Variants in CPAMD8 observed in about 807,000 individuals in gnomAD.
The protein encoded by CPAMD8 is C3 and PZP like alpha-2-macroglobulin domain containing 8.
A neutral mutation model predicts 224.7 loss-of-function variants in CPAMD8; 146 were observed. The observed-to-expected ratio is 0.65, with a 90% confidence interval of 0.57 to 0.75. The LOEUF is 0.75. Among genes scored for constraint, CPAMD8 ranks in the 30% least tolerant of loss-of-function variants. The pLI is 0.00. For synonymous variants in CPAMD8, 966 were observed against 1,044.6 expected (o/e 0.92, Z 1.45); for missense variants, 2,301 against 2,537.5 (o/e 0.91, Z 2.00).
At chr19:16,981,371 T>A (rs1405093125) in intron 13 of CPAMD8, among the ~76,000 whole-genome samples, 1 of 151,028 alleles carries the variant, frequency 6.6e-6, no homozygotes, top group African/African-American at 2.5e-5. Flanking sequence ...CAAAAAAAAA[T>A]AAAAATAAAA....
chr19:16,893,744 C>T (rs988653135), intron 41 of CPAMD8: 10 of 180,366 alleles, frequency 5.5e-5, no homozygotes, highest in Middle Eastern at 2.4e-3. Flanking sequence ...GAGGAAGCAC[C>T]GGGGTCACCC....
chr19:16,980,818 G>C (rs1407442067), intron 13 of CPAMD8, 132 bp from the exon 14 acceptor site: 2 of 594,080 alleles, frequency 3.4e-6, no homozygotes, highest in African/African-American at 3.9e-5. Context: ...ATCCAGTCCT[G>C]GCCCCTAGCT....
chr19:16,898,150 T>C lies in CPAMD8; in HGVS notation c.4849-156A>G, dbSNP rs1263251384. The C allele has an allele frequency of 1.7e-5, 10 of 598,538 alleles. No homozygotes were observed. Among genetic ancestry groups the C allele is most frequent in the Middle Eastern group, 4.4e-4 (1 of 2,284 alleles). 37.1% of individuals were successfully genotyped at this position (598,538 alleles called of 1,614,324 possible). A position where few individuals can be genotyped will look rare whatever the true frequency, so the allele number is the denominator to read the frequency against. ...CTTTTTTTCTTTTACTTTTCTTTTT[T>C]TTTTTTTTTCCTGAGACAGAGTCTC... is the stretch of plus-strand genomic sequence containing the variant. On this transcript the variant is annotated intron_variant, in intron 37 of 41. Transcript: ENST00000443236. The surrounding 1 kb of genome is among the most constrained non-coding windows in gnomAD (Gnocchi z 4.2).
chr19:16,940,068 G>A (rs1317802995), intron 22 of CPAMD8, among the ~76,000 whole-genome samples: 1 of 151,782 alleles, frequency 6.6e-6, no homozygotes, highest in Non-Finnish European at 1.5e-5. Flanking sequence ...ACCACCACCA[G>A]GCCCAGCTAA....
Position 16,993,508 on chromosome 19 carries a change from T to A in CPAMD8, c.1174A>T (p.Asn392Tyr), listed in dbSNP as rs2056027143. 6.2e-7 allele frequency: 1 copy of A among 1,613,450 alleles called. No individual in the cohort carries two copies. The highest frequency in any genetic ancestry group is 2.2e-5 in the East Asian group (1 of 44,846). The change falls in exon 12 of 42, where the codon AAC becomes TAC. Residue 392 changes from asparagine (N) to tyrosine (Y), a missense_variant. Asn to Tyr is a moderately radical substitution (Grantham distance 143). Around this residue, in one of 4 missense-constraint regions of CPAMD8, gnomAD observed 301 missense variants for 406.6 expected, o/e 0.74. Coordinates refer to ENST00000443236, the MANE Select transcript of CPAMD8 (RefSeq NM_015692.5). ...QIKAELTPKD[N>Y]IYTSEVVSQR... Reference sequence around the variant, plus strand: ...GACACAACTTCACTGGTGTAGATGTTATCCTTTGGTGTCAGCTCTGCCTTA... The same window carrying A: ...GACACAACTTCACTGGTGTAGATGTAATCCTTTGGTGTCAGCTCTGCCTTA...
intron 12 of CPAMD8, 42 bp downstream of exon 12, chr19:16,993,374 T>C: frequency 6.3e-7 from 1 of 1,579,202 alleles, no homozygotes; most frequent in Non-Finnish European, 8.6e-7. Context: ...CCCAAGTCCA[T>C]ACCTGCTGGC....
intron 18 of CPAMD8, among the ~76,000 whole-genome samples, chr19:16,958,804 CT>C (rs200136563): frequency 5.5e-4 from 78 of 143,052 alleles, no homozygotes; most frequent in Non-Finnish European, 4.6e-4. Flanking sequence ...CTTTTTTTTT[CT>C]TTTTTTTTTT....
At chr19:17,001,342 A>AC (rs1039028250) in intron 9 of CPAMD8, among the ~76,000 whole-genome samples, 2 of 148,346 alleles carry the variant, frequency 1.3e-5, no homozygotes, top group African/African-American at 5.0e-5. Context: ...AAAAAAAAAA[A>AC]AACAAGGATC....
chr19:16,975,272 G>C lies in CPAMD8; in HGVS notation c.1909-14C>G. On this transcript the variant is annotated splice_polypyrimidine_tract_variant and intron_variant, in intron 16 of 41. Coordinates refer to ENST00000443236, the MANE Select transcript of CPAMD8 (RefSeq NM_015692.5). ...TTCCTGGAAAACCTGCAGGCAAAGG[G>C]GGACAGAGACTTGTCAGCTGAAGTT... 6.3e-7 allele frequency: 1 copy of C among 1,593,606 alleles called. No homozygotes were observed. Among genetic ancestry groups the C allele is most frequent in the Non-Finnish European group, 8.6e-7 (1 of 1,168,604 alleles).
rs372453862 is a variant in CPAMD8, at chr19:16,893,179, C to T, written c.5587G>A (p.Val1863Ile). The change falls in exon 42 of 42, where the codon GTC (valine) becomes ATC (isoleucine). Residue 1863 changes from valine (V) to isoleucine (I), a missense_variant. By Grantham distance (29) the Val-to-Ile change is conservative (BLOSUM62 3). Transcript: ENST00000443236. ...HRPGLLSPVFVYSPAFQSGGE... is the reference protein window; with the variant it reads ...HRPGLLSPVFIYSPAFQSGGE... Reference sequence around the variant, plus strand: ...CCACTCTGAAAGGCTGGGCTGTAGACGAAGACAGGGCTCAGAAGCCCTGGC... The same window carrying T: ...CCACTCTGAAAGGCTGGGCTGTAGATGAAGACAGGGCTCAGAAGCCCTGGC... 4.4e-5 allele frequency: 71 copies of T among 1,597,644 alleles called. No homozygotes were observed. Among genetic ancestry groups the T allele is most frequent in the South Asian group, 2.9e-4 (26 of 89,756 alleles).
intron 19 of CPAMD8, among the ~76,000 whole-genome samples, chr19:16,953,171 G>C (rs564758019): frequency 6.6e-6 from 1 of 152,176 alleles, no homozygotes; most frequent in East Asian, 1.9e-4. Context: ...ATATGCAAAA[G>C]AATGAATTTG....
At chr19:16,902,544 CACT>C (rs1253422557) in intron 35 of CPAMD8, 102 bp downstream of exon 35, 10 of 686,948 alleles carry the variant, frequency 1.5e-5, no homozygotes, top group African/African-American at 5.5e-5. Flanking sequence ...CAAAAACCAC[CACT>C]GAGTGCCTGG....
At position 16,906,348 on chromosome 19, in the gene CPAMD8, TTCTTTC is replaced by T. The variant is rs1359698705; in HGVS notation, c.4027+598_4027+603del. On this transcript the variant is annotated intron_variant, in intron 30 of 41. Coordinates refer to ENST00000443236, the MANE Select transcript of CPAMD8 (RefSeq NM_015692.5). ...TCCTTCCTTCTTTCCCTTTCTTTCTTTCTTTCTTTCTTTCTTTCTTTCTTTCTTTCT... is the reference window on the plus strand; with the variant it reads ...TCCTTCCTTCTTTCCCTTTCTTTCTTTTTCTTTCTTTCTTTCTTTCTTTCT... Among the ~76,000 whole-genome samples the T allele has an allele frequency of 1.2e-3, 43 of 35,836 alleles. 1 individual carries two copies. In the South Asian group the frequency reaches 0.022, roughly 18 times the overall value. 23.5% of individuals were successfully genotyped at this position (35,836 alleles called of 152,430 possible).
At chr19:17,000,905 C>G (rs1449178222) in intron 9 of CPAMD8, among the ~76,000 whole-genome samples, 3 of 152,188 alleles carry the variant, frequency 2.0e-5, no homozygotes, top group Non-Finnish European at 2.9e-5. Context: ...CTTCTCTGAG[C>G]CTGTTTCCTC....
rs79965075 is a variant in CPAMD8 at position 16,904,689 on chromosome 19, G to A, written c.4028-137C>T. 26,857 of 678,052 alleles carry A rather than the reference G, an allele frequency of 0.04. 731 individuals are homozygous for A. The highest frequency in any genetic ancestry group is 0.08 in the African/African-American group (4,532 of 56,464). The allele number at this position is 678,052 out of a possible 1,614,324, so 42.0% of individuals were successfully genotyped here. A position where few individuals can be genotyped will look rare whatever the true frequency, so the allele number is the denominator to read the frequency against. ...GGGAGAAGAGTATCAGGGGAAGACA[G>A]CTGGAACAGGAAGGGCCTTGGGGCT... is the stretch of plus-strand genomic sequence containing the variant. On this transcript the variant is annotated intron_variant, in intron 30 of 41. Coordinates refer to ENST00000443236, the MANE Select transcript of CPAMD8 (RefSeq NM_015692.5).
At chr19:16,972,804 G>T (rs1293154926) in intron 17 of CPAMD8, among the ~76,000 whole-genome samples, 1 of 152,162 alleles carries the variant, frequency 6.6e-6, no homozygotes. Flanking sequence ...AAGGGACCTG[G>T]AGTTCAAACT....
chr19:16,900,990 A>G (rs1198979574), intron 36 of CPAMD8, among the ~76,000 whole-genome samples: 2 of 144,682 alleles, frequency 1.4e-5, no homozygotes, highest in Non-Finnish European at 3.0e-5. Flanking sequence ...ATTACACTGT[A>G]GCCTGGGCAA....
intron 17 of CPAMD8, among the ~76,000 whole-genome samples, chr19:16,974,160 C>T (rs2055169493): frequency 6.6e-6 from 1 of 151,462 alleles, no homozygotes; most frequent in African/African-American, 2.4e-5. Flanking sequence ...GAGACGGAGT[C>T]TCGCTCTGTC....
chr19:16,953,986 C>A (rs2054381713), intron 19 of CPAMD8, among the ~76,000 whole-genome samples: 1 of 152,028 alleles, frequency 6.6e-6, no homozygotes, highest in Non-Finnish European at 1.5e-5. Flanking sequence ...AAAGGCTGGG[C>A]ATGGTGGCTC....
Sources: gnomAD v4.1 joint callset for allele counts (sites outside exome capture counted in the v4.1 genomes callset) on GRCh38, gnomAD v4.1.1 for gene constraint, gnomAD v4.1.1 regional missense constraint, Gnocchi (gnomAD v3.1) non-coding constraint, MANE v1.5 for transcripts, NCBI Gene and HGNC (gene_info 2026-07-23, HGNC 2026-07-21) for gene names.